The following TTLL5 variants were observed in gnomAD, a reference collection of about 807,000 sequenced individuals.
TTLL5 encodes tubulin polyglutamylase TTLL5.
TTLL5 carries 132 observed loss-of-function variants against 168.4 expected under a neutral mutation model. That is an observed-to-expected ratio of 0.78 (90% CI 0.68 to 0.91). The LOEUF is 0.91. Ranked by LOEUF, TTLL5 falls within the 40% of genes least tolerant of loss-of-function variation. The pLI, the probability that TTLL5 is intolerant of heterozygous loss-of-function variation, is 0.00. For synonymous variants in TTLL5, 546 were observed against 558.6 expected (o/e 0.98, Z 0.32); for missense variants, 1,545 against 1,581.5 (o/e 0.98, Z 0.39).
intron 31 of TTLL5, among the ~76,000 whole-genome samples, chr14:75,940,646 C>G (rs751129119): frequency 7.2e-5 from 11 of 152,182 alleles, no homozygotes; most frequent in Non-Finnish European, 1.2e-4. Flanking sequence ...AAACCTCTGT[C>G]AAACATGTTA....
At chr14:75,720,893 G>C (rs980156400) in intron 12 of TTLL5, among the ~76,000 whole-genome samples, 190 bp downstream of exon 12, 20 of 152,186 alleles carry the variant, frequency 1.3e-4, no homozygotes, top group Non-Finnish European at 2.9e-5. Context: ...GAAGTCCCCT[G>C]AGGAGTAACT....
chr14:75,887,167 C>A (rs2032164832), intron 30 of TTLL5: 1 of 1,018,350 alleles, frequency 9.8e-7, no homozygotes, highest in African/African-American at 1.7e-5. Flanking sequence ...GGAGGAAAGC[C>A]ATCAGGACTG....
At chr14:75,710,722 G>T (rs1214740772) in intron 9 of TTLL5, 1 of 152,142 alleles carries the variant, frequency 6.6e-6, no homozygotes, top group Non-Finnish European at 1.5e-5. Context: ...TTGCTTTGTT[G>T]TAACCCTCAG....
chr14:75,912,260 G>A (rs541639624), intron 31 of TTLL5, among the ~76,000 whole-genome samples: 1 of 152,246 alleles, frequency 6.6e-6, no homozygotes, highest in Admixed American at 6.5e-5. Flanking sequence ...CCCCTGGTGG[G>A]CAGAGCTCTC....
At chr14:75,691,444 T>A (rs764128700) in intron 6 of TTLL5, among the ~76,000 whole-genome samples, 30 of 152,224 alleles carry the variant, frequency 2.0e-4, no homozygotes, top group Non-Finnish European at 8.8e-5. Flanking sequence ...ATGTTTACTT[T>A]CTAGTAGGCA....
intron 6 of TTLL5, among the ~76,000 whole-genome samples, chr14:75,696,123 C>T (rs1257129244): frequency 6.6e-6 from 1 of 152,008 alleles, no homozygotes; most frequent in African/African-American, 2.4e-5. Flanking sequence ...CTCCTGGCCT[C>T]AAGGGATCCT....
chr14:75,765,774 G>C (rs1189868347), intron 19 of TTLL5, among the ~76,000 whole-genome samples: 1 of 151,970 alleles, frequency 6.6e-6, no homozygotes, highest in Non-Finnish European at 1.5e-5. Context: ...GAGGTTGGAG[G>C]ACTACTTGAC....
intron 27 of TTLL5, among the ~76,000 whole-genome samples, chr14:75,796,871 A>G (rs1406629601): frequency 2.0e-5 from 3 of 151,798 alleles, no homozygotes; most frequent in Admixed American, 6.6e-5. Context: ...ATGCCTCTAG[A>G]TTTGTTCTTT....
intron 15 of TTLL5, among the ~76,000 whole-genome samples, chr14:75,738,925 C>T (rs1261414764): frequency 1.3e-5 from 2 of 152,104 alleles, no homozygotes; most frequent in East Asian, 3.8e-4. Context: ...CCACCTTGGC[C>T]TCCTGATTAG....
intron 27 of TTLL5, among the ~76,000 whole-genome samples, chr14:75,806,615 C>T (rs1214635373): frequency 6.6e-6 from 1 of 152,184 alleles, no homozygotes; most frequent in Non-Finnish European, 1.5e-5. Flanking sequence ...TGTCCAGGCT[C>T]AGTGTAGATG....
chr14:75,740,778 T>G (rs1318242365), intron 15 of TTLL5, among the ~76,000 whole-genome samples: 1 of 152,228 alleles, frequency 6.6e-6, no homozygotes, highest in African/African-American at 2.4e-5. Context: ...AAACTTGATT[T>G]TACCTGTTGT....
intron 31 of TTLL5, among the ~76,000 whole-genome samples, chr14:75,949,409 G>T (rs2034881705): frequency 8.9e-6 from 1 of 112,290 alleles, no homozygotes; most frequent in South Asian, 2.8e-4. Flanking sequence ...ATATATATAT[G>T]GTTTTATAGA....
chr14:75,752,900 C>T lies in TTLL5; in HGVS notation c.1495C>T (p.Leu499Phe). ...SETWEIYGSY[L>F]EHKTSMNYML... ...TCTTTCTTTGCTTTTCAGGTCCTAC[C>T]TCGAGCATAAGACCTCAATGAACTA... The change falls in exon 18 of 32, where the codon CTC becomes TTC. Residue 499 changes from leucine (L) to phenylalanine (F), a missense_variant. Leu to Phe is a conservative substitution (Grantham distance 22). Coordinates refer to ENST00000298832, the MANE Select transcript of TTLL5 (RefSeq NM_015072.5). 1 of 1,613,096 alleles carries T rather than the reference C, an allele frequency of 6.2e-7. No homozygotes were observed. The highest frequency in any genetic ancestry group is 8.5e-7 in the Non-Finnish European group (1 of 1,179,490).
intron 5 of TTLL5, among the ~76,000 whole-genome samples, chr14:75,685,532 G>A (rs1884981164): frequency 6.6e-6 from 1 of 152,134 alleles, no homozygotes; most frequent in Admixed American, 6.5e-5. Context: ...AATTATTCTA[G>A]GATGTACCAA....
chr14:75,721,503 T>A (rs1022623640), intron 12 of TTLL5, among the ~76,000 whole-genome samples: 2 of 152,170 alleles, frequency 1.3e-5, no homozygotes, highest in Non-Finnish European at 2.9e-5. Flanking sequence ...GTAGTAAGGA[T>A]ATGAGAGTCG....
At chr14:75,705,967 A>C (rs755766272) in intron 7 of TTLL5, among the ~76,000 whole-genome samples, 1 of 152,070 alleles carries the variant, frequency 6.6e-6, no homozygotes, top group Non-Finnish European at 1.5e-5. Flanking sequence ...CAGGGGTTCA[A>C]ATCCCTTTGT....
At chr14:75,811,172 T>A (rs1339453842) in intron 27 of TTLL5, among the ~76,000 whole-genome samples, 3 of 134,892 alleles carry the variant, frequency 2.2e-5, no homozygotes, top group African/African-American at 2.6e-5. Flanking sequence ...TGTGTGTGTG[T>A]GTGTGTGTGT....
chr14:75,691,804 C>T (rs1196864687), intron 6 of TTLL5, among the ~76,000 whole-genome samples: 1 of 152,228 alleles, frequency 6.6e-6, no homozygotes, highest in East Asian at 1.9e-4. Flanking sequence ...TATCTCTAGA[C>T]TTCCTGACTT....
intron 15 of TTLL5, among the ~76,000 whole-genome samples, chr14:75,737,008 A>C (rs1204946419): frequency 6.6e-6 from 1 of 152,222 alleles, no homozygotes; most frequent in Non-Finnish European, 1.5e-5. Context: ...AGAATTATGT[A>C]TAAAGGATCA....
Sources: gnomAD v4.1 joint callset for allele counts (sites outside exome capture counted in the v4.1 genomes callset) on GRCh38, gnomAD v4.1.1 for gene constraint, MANE v1.5 for transcripts, NCBI Gene and HGNC (gene_info 2026-07-23, HGNC 2026-07-21) for gene names.